Variants in ZFPM2 observed in about 807,000 individuals in gnomAD.
ZFPM2 encodes zinc finger protein ZFPM2.
In ZFPM2, 20 loss-of-function variants were observed where a neutral mutation model predicts 98.6. That is an observed-to-expected ratio of 0.20 (90% CI 0.14 to 0.29). ZFPM2 has a LOEUF of 0.29. Among genes scored for constraint, ZFPM2 ranks in the 10% least tolerant of loss-of-function variants. The pLI is 1.00. For synonymous variants in ZFPM2, 518 were observed against 502.7 expected, an observed-to-expected ratio of 1.03 and a Z score of -0.41; for missense variants, 1,310 against 1,388.6, an observed-to-expected ratio of 0.94 and a Z score of 0.90.
intron 1 of ZFPM2, among the ~76,000 whole-genome samples, chr8:105,348,456 C>T (rs1274173635): frequency 6.6e-6 from 1 of 152,084 alleles, no homozygotes; most frequent in Non-Finnish European, 1.5e-5. Flanking sequence ...GTGTTTGTTT[C>T]TCTATGGGTT....
rs1442323 is a variant in ZFPM2 at position 105,778,161 on chromosome 8, G to A, written c.533-10557G>A. Among the ~76,000 whole-genome samples, 1,348 of 152,196 alleles carry A rather than the reference G, an allele frequency of 8.9e-3. 17 individuals carry two copies. Among genetic ancestry groups the A allele is most frequent in the African/African-American group, 0.024 (982 of 41,530 alleles). On this transcript the variant is annotated intron_variant, in intron 5 of 7. Transcript: ENST00000407775. ...ACTGTCAAGAATTTCAACAGTATTGGATTTGAATTCATTATAAAATTTGTA... is the reference window on the plus strand; with the variant it reads ...ACTGTCAAGAATTTCAACAGTATTGAATTTGAATTCATTATAAAATTTGTA...
At chr8:105,688,582 AT>A (rs1444693019) in intron 5 of ZFPM2, among the ~76,000 whole-genome samples, 1 of 152,110 alleles carries the variant, frequency 6.6e-6, no homozygotes, top group African/African-American at 2.4e-5. Flanking sequence ...TTCTATATGT[AT>A]TTGATCTATA....
chr8:105,356,477 T>C (rs1482257726), intron 1 of ZFPM2, among the ~76,000 whole-genome samples: 1 of 152,254 alleles, frequency 6.6e-6, no homozygotes, highest in Non-Finnish European at 1.5e-5. Flanking sequence ...CATTTATTGC[T>C]TTTTATTTTG....
At chr8:105,786,488 A>T (rs1813420228) in intron 5 of ZFPM2, among the ~76,000 whole-genome samples, 1 of 152,186 alleles carries the variant, frequency 6.6e-6, no homozygotes, top group African/African-American at 2.4e-5. Context: ...AAGATAACTG[A>T]CTTTCTTTTC....
intron 2 of ZFPM2, among the ~76,000 whole-genome samples, chr8:105,443,339 A>C (rs1002612279): frequency 1.3e-5 from 2 of 150,510 alleles, no homozygotes; most frequent in Admixed American, 6.6e-5. Flanking sequence ...AAAAAAAAAA[A>C]CTTGGCATTA....
intron 5 of ZFPM2, among the ~76,000 whole-genome samples, chr8:105,770,060 T>C (rs1812947563): frequency 6.6e-6 from 1 of 152,080 alleles, no homozygotes; most frequent in African/African-American, 2.4e-5. Context: ...TTTAATTTTC[T>C]CAGGCTATAG....
intron 3 of ZFPM2, among the ~76,000 whole-genome samples, chr8:105,553,213 T>C (rs1400277445): frequency 6.6e-6 from 1 of 152,140 alleles, no homozygotes; most frequent in Non-Finnish European, 1.5e-5. Context: ...ATAATAAAAA[T>C]GACAATTGGA....
chr8:105,494,848 G>T (rs1000449403), intron 3 of ZFPM2, among the ~76,000 whole-genome samples: 38 of 152,214 alleles, frequency 2.5e-4, no homozygotes, highest in African/African-American at 8.9e-4. Flanking sequence ...AGGCCAAAAG[G>T]CAAATAAAAG....
rs1351187590 is a variant in ZFPM2 at position 105,803,220 on chromosome 8, T to C, written c.3138T>C (p.Gly1046=). ...PKNRGMVIVN[G]GLKQDERPAA... is the part of the protein sequence containing the mutation. ...ATCGAGGAATGGTAATAGTGAATGG[T>C]GGACTGAAACAAGATGAGAGACCTG... Residue 1046 remains glycine, a synonymous_variant, in exon 8 of 8, where the codon GGT becomes GGC. Transcript: ENST00000407775. 13 of 1,611,882 alleles carry C rather than the reference T, an allele frequency of 8.1e-6. No homozygotes were observed. The highest frequency in any genetic ancestry group is 1.7e-5 in the Admixed American group (1 of 59,866).
chr8:105,585,106 T>A (rs1815684463), intron 4 of ZFPM2, among the ~76,000 whole-genome samples: 1 of 152,168 alleles, frequency 6.6e-6, no homozygotes, highest in African/African-American at 2.4e-5. Flanking sequence ...TCCTCATACA[T>A]TATCAGTTAT....
intron 1 of ZFPM2, among the ~76,000 whole-genome samples, chr8:105,345,425 C>CAT (rs1448678851): frequency 2.0e-5 from 2 of 98,362 alleles, no homozygotes; most frequent in Non-Finnish European, 3.9e-5. Context: ...TCGTGATGTT[C>CAT]TTTTTTTTTT....
At chr8:105,669,335 T>C (rs1427004740) in intron 5 of ZFPM2, among the ~76,000 whole-genome samples, 1 of 151,886 alleles carries the variant, frequency 6.6e-6, no homozygotes, top group Non-Finnish European at 1.5e-5. Context: ...TACATTTTAA[T>C]TTTGCCTCAT....
At chr8:105,551,528 A>C (rs1176768680) in intron 3 of ZFPM2, among the ~76,000 whole-genome samples, 1 of 152,186 alleles carries the variant, frequency 6.6e-6, no homozygotes, top group Non-Finnish European at 1.5e-5. Flanking sequence ...CAGTCTTCTG[A>C]ACATTTCTAT....
At chr8:105,650,114 T>C (rs1376282321) in intron 5 of ZFPM2, among the ~76,000 whole-genome samples, 7 of 152,212 alleles carry the variant, frequency 4.6e-5, no homozygotes, top group Non-Finnish European at 1.0e-4. Context: ...GGAGGGTCTA[T>C]GTGTCGAGGA....
chr8:105,691,995 C>G (rs559544439), intron 5 of ZFPM2, among the ~76,000 whole-genome samples: 132 of 152,294 alleles, frequency 8.7e-4, no homozygotes, highest in African/African-American at 3.0e-3. Context: ...AAAAAGCTAA[C>G]AATCTTCTTT....
rs182030586 is a variant in ZFPM2, at chr8:105,676,627, A to G, written c.532+42270A>G. Among the ~76,000 whole-genome samples, 423 of 152,190 alleles carry G rather than the reference A, an allele frequency of 2.8e-3. 1 individual carries two copies. The highest frequency in any genetic ancestry group is 4.8e-3 in the Non-Finnish European group (325 of 67,978). On this transcript the variant is annotated intron_variant, in intron 5 of 7. Transcript: ENST00000407775. ...ATTGATTATATTTTTATATTCTGAT[A>G]TTTAGAAAGAAATATATTTAAATAT...
chr8:105,592,201 C>T (rs1164540788), intron 4 of ZFPM2, among the ~76,000 whole-genome samples: 3 of 152,156 alleles, frequency 2.0e-5, no homozygotes, highest in South Asian at 2.1e-4. Context: ...GCTTTACTCT[C>T]GGTAATTGCC....
At chr8:105,700,621 C>G (rs1811120250) in intron 5 of ZFPM2, among the ~76,000 whole-genome samples, 1 of 152,070 alleles carries the variant, frequency 6.6e-6, no homozygotes, top group Admixed American at 6.5e-5. Context: ...GACTGAGTCT[C>G]CCACTGTCAT....
intron 5 of ZFPM2, among the ~76,000 whole-genome samples, chr8:105,693,548 A>G (rs1396619932): frequency 6.6e-6 from 1 of 152,238 alleles, no homozygotes; most frequent in Non-Finnish European, 1.5e-5. Context: ...ACTGAAACAC[A>G]GAAGATGCAC....
Sources: allele counts gnomAD v4.1 joint callset (sites outside exome capture counted in the v4.1 genomes callset), GRCh38; gene constraint gnomAD v4.1.1; transcripts MANE v1.5; gene names NCBI Gene and HGNC (gene_info 2026-07-23, HGNC 2026-07-21).